Variants in OPCML observed in about 807,000 individuals in gnomAD.
OPCML encodes opioid binding protein/cell adhesion molecule like.
In OPCML, 13 loss-of-function variants were observed where a neutral mutation model predicts 37.8. The observed-to-expected ratio is 0.34, with a 90% CI of 0.22 to 0.55. The LOEUF is 0.55. Ranked by LOEUF, OPCML falls within the 20% of genes least tolerant of loss-of-function variation. OPCML has a pLI of 0.91. For missense variants in OPCML, 341 were observed against 435.6 expected, an observed-to-expected ratio of 0.78 and a Z score of 1.93; for synonymous variants, 176 against 168.8, an observed-to-expected ratio of 1.04 and a Z score of -0.33.
intron 1 of OPCML, among the ~76,000 whole-genome samples, chr11:133,126,972 G>T (rs1949527257): frequency 6.6e-6 from 1 of 152,136 alleles, no homozygotes; most frequent in South Asian, 2.1e-4. Flanking sequence ...TGGTGGGATG[G>T]TACTTTAGAT....
intron 1 of OPCML, among the ~76,000 whole-genome samples, chr11:133,083,456 T>C (rs1470515818): frequency 6.6e-6 from 1 of 152,060 alleles, no homozygotes; most frequent in Admixed American, 6.5e-5. Flanking sequence ...CACCCCAGCC[T>C]GGGAAGGGCC....
At chr11:133,233,174 A>G (rs1457822669) in intron 1 of OPCML, among the ~76,000 whole-genome samples, 1 of 152,174 alleles carries the variant, frequency 6.6e-6, no homozygotes, top group African/African-American at 2.4e-5. Context: ...CTGAGGACCA[A>G]AAGAGGGGCC....
chr11:132,443,586 G>A (rs1383505849), intron 4 of OPCML, among the ~76,000 whole-genome samples: 1 of 152,214 alleles, frequency 6.6e-6, no homozygotes, highest in East Asian at 1.9e-4. Context: ...TTAGAAACAA[G>A]CCTTTTACCC....
At chr11:133,508,726 A>T (rs1269413436) in intron 1 of OPCML, among the ~76,000 whole-genome samples, 2 of 152,194 alleles carry the variant, frequency 1.3e-5, no homozygotes, top group African/African-American at 2.4e-5. Context: ...TACACCACAG[A>T]TCACATCTGC....
intron 1 of OPCML, among the ~76,000 whole-genome samples, chr11:133,253,830 ATTCCCTTCCCTTCCC>A (rs1210025761): frequency 2.2e-4 from 16 of 71,922 alleles, no homozygotes; most frequent in Non-Finnish European, 3.0e-4. Flanking sequence ...CTTCCCTTCC[ATTCCCTTCCCTTCCC>A]TTCCCTTCCC....
intron 2 of OPCML, among the ~76,000 whole-genome samples, chr11:132,941,329 G>A (rs1945569826): frequency 1.3e-5 from 2 of 152,162 alleles, no homozygotes; most frequent in Non-Finnish European, 2.9e-5. Flanking sequence ...GAGGACAGAG[G>A]ATTCTGGAAA....
chr11:133,195,176 G>A (rs906143185), intron 1 of OPCML, among the ~76,000 whole-genome samples: 17 of 152,196 alleles, frequency 1.1e-4, no homozygotes, highest in Non-Finnish European at 2.4e-4. Flanking sequence ...ATACTCATGG[G>A]GGAAAATGCT....
chr11:133,175,120 A>C (rs1374624392), intron 1 of OPCML, among the ~76,000 whole-genome samples: 2 of 152,254 alleles, frequency 1.3e-5, no homozygotes, highest in African/African-American at 4.8e-5. Context: ...CCACAAACTC[A>C]GTCACATAAT....
At chr11:132,854,373 G>A (rs990576089) in intron 2 of OPCML, among the ~76,000 whole-genome samples, 3 of 152,126 alleles carry the variant, frequency 2.0e-5, no homozygotes. Flanking sequence ...AGCTTTCATT[G>A]CTTTAGCATA....
At position 132,628,203 on chromosome 11, in the gene OPCML, G is replaced by C. The variant is rs113614883; in HGVS notation, c.379+28884C>G. On this transcript the variant is annotated intron_variant, in intron 3 of 7. Transcript: ENST00000524381. The stretch of plus-strand genomic sequence containing the variant: ...GCGTAAGTAATGAGGGGATGGAAGA[G>C]AGCCATGAACAGAGAAGGAGAGAGC... 9.1e-3 allele frequency among the ~76,000 whole-genome samples: 1,380 copies of C among 152,158 alleles called. 11 individuals are homozygous for C. The highest frequency in any genetic ancestry group is 0.032 in the African/African-American group (1,314 of 41,498).
intron 4 of OPCML, among the ~76,000 whole-genome samples, chr11:132,481,833 G>A (rs1459415188): frequency 2.7e-5 from 4 of 150,678 alleles, no homozygotes; most frequent in Non-Finnish European, 1.5e-5. Context: ...GGTACATAAC[G>A]AAATGAAGGC....
At chr11:133,251,522 C>T (rs1941133367) in intron 1 of OPCML, among the ~76,000 whole-genome samples, 1 of 150,610 alleles carries the variant, frequency 6.6e-6, no homozygotes, top group Non-Finnish European at 1.5e-5. Context: ...CCTTTACCCC[C>T]TTCAAGTGTG....
chr11:133,055,836 G>A lies in OPCML; in HGVS notation c.62-112826C>T, dbSNP rs1565422501. On this transcript the variant is annotated intron_variant, in intron 1 of 7. Coordinates refer to ENST00000524381, the MANE Select transcript of OPCML (RefSeq NM_001012393.5). ...TTCCAAGTGGTGAGACTCCATGAGG[G>A]AGCCGCCTCTACCGTATAATGCTGC... Among the ~76,000 whole-genome samples the A allele has an allele frequency of 5.3e-5, 8 of 151,268 alleles. No individual in the cohort carries two copies. The South Asian group carries it at 1.7e-3, about 32-fold the overall frequency.
chr11:132,633,436 T>A (rs1050244378), intron 3 of OPCML, among the ~76,000 whole-genome samples: 1 of 152,152 alleles, frequency 6.6e-6, no homozygotes, highest in Admixed American at 6.5e-5. Context: ...TAGCCCTTCA[T>A]TTCTGATAGA....
chr11:133,530,383 G>A (rs2120767186), intron 1 of OPCML, among the ~76,000 whole-genome samples: 1 of 152,360 alleles, frequency 6.6e-6, no homozygotes, highest in African/African-American at 2.4e-5. Flanking sequence ...GCCATAAGGG[G>A]CGCATCCATA....
intron 2 of OPCML, among the ~76,000 whole-genome samples, chr11:132,697,878 A>T (rs1943653509): frequency 6.6e-6 from 1 of 151,668 alleles, no homozygotes. Context: ...TAATCCTCTC[A>T]CCTTAGCCTC....
rs548818093 is a variant in OPCML, at chr11:132,797,859, T to A, written c.147-140540A>T. On this transcript the variant is annotated intron_variant, in intron 2 of 7. Coordinates refer to ENST00000524381, the MANE Select transcript of OPCML (RefSeq NM_001012393.5). ...CATGATGTTGATGGCTGCTGACTGA[T>A]CAGGGTGGTGGTTGCTGAAGGTTGG... 2.8e-4 allele frequency among the ~76,000 whole-genome samples: 42 copies of A among 152,272 alleles called. 1 individual carries two copies. The South Asian group carries it at 8.7e-3, about 32-fold the overall frequency.
intron 1 of OPCML, among the ~76,000 whole-genome samples, chr11:133,009,985 G>C (rs532327647): frequency 1.3e-5 from 2 of 152,194 alleles, no homozygotes; most frequent in African/African-American, 4.8e-5. Context: ...TCAGTTATTT[G>C]AGGAACCCTT....
At chr11:133,308,488 C>T (rs965320515) in intron 1 of OPCML, among the ~76,000 whole-genome samples, 7 of 152,022 alleles carry the variant, frequency 4.6e-5, no homozygotes, top group Non-Finnish European at 1.0e-4. Flanking sequence ...TGAGTAGAGT[C>T]AAAGCTATCA....
Sources: allele counts gnomAD v4.1 joint callset (sites outside exome capture counted in the v4.1 genomes callset), GRCh38; gene constraint gnomAD v4.1.1; transcripts MANE v1.5; gene names NCBI Gene and HGNC (gene_info 2026-07-23, HGNC 2026-07-21).